The following ELMOD3 variants were observed in gnomAD, a reference collection of about 807,000 sequenced individuals.
The protein encoded by ELMOD3 is ELMO domain-containing protein 3.
Under a neutral mutation model 47.4 loss-of-function variants are expected in ELMOD3, and 36 were observed. The observed-to-expected ratio is 0.76, with a 90% CI of 0.58 to 1.00. The LOEUF (loss-of-function observed/expected upper bound fraction) is 1.00. ELMOD3 is among the 50% of genes least tolerant of loss of function. The pLI is 0.00. For missense variants in ELMOD3, 404 were observed against 463.8 expected (o/e 0.87, Z 1.18); for synonymous variants, 149 against 183.5 (o/e 0.81, Z 1.52).
chr2:85,377,966 A>C (rs1260337195), intron 11 of ELMOD3, among the ~76,000 whole-genome samples: 1 of 152,218 alleles, frequency 6.6e-6, no homozygotes, highest in Non-Finnish European at 1.5e-5. Context: ...TTTTTAAAAG[A>C]AGCAAAGGAA....
Position 85,391,038 on chromosome 2 carries a change from T to A in ELMOD3, c.*76T>A. The A allele has an allele frequency of 7.1e-7, 1 of 1,414,912 alleles. No individual in the cohort carries two copies. The allele number at this position is 1,414,912 out of a possible 1,614,324, so 87.6% of individuals were successfully genotyped here. A position where few individuals can be genotyped will look rare whatever the true frequency, so the allele number is the denominator to read the frequency against. ...GGTCAGTGGAGCCATGTCAGGAGCC[T>A]GGCCAGGCCGCACCCCTTGCTGTCT... On this transcript the variant is annotated 3_prime_UTR_variant, in exon 14 of 14. Coordinates refer to ENST00000409013, the MANE Select transcript of ELMOD3 (RefSeq NM_001135022.2).
At chr2:85,382,417 A>C (rs1415501549) in intron 11 of ELMOD3, among the ~76,000 whole-genome samples, 1 of 151,154 alleles carries the variant, frequency 6.6e-6, no homozygotes, top group Non-Finnish European at 1.5e-5. Flanking sequence ...CAGCCTGGGC[A>C]ACAGAGCGAG....
In ELMOD3 at chr2:85,390,548, T is replaced by C. The variant is rs56668127; in HGVS notation, c.944-212T>C. ...ATAGTTGGACTATTCAAAGTTGCAA[T>C]TGTGCAGACAAGGTAGAGTGTGTGG... On this transcript the variant is annotated intron_variant, in intron 13 of 13. Coordinates refer to ENST00000409013, the MANE Select transcript of ELMOD3 (RefSeq NM_001135022.2). The C allele has an allele frequency of 3.4e-3, 5,384 of 1,571,144 alleles. 158 individuals carry two copies. In the African/African-American group the frequency reaches 0.062, roughly 18 times the overall value.
intron 11 of ELMOD3, among the ~76,000 whole-genome samples, chr2:85,382,870 A>G (rs1685669512): frequency 6.6e-6 from 1 of 151,954 alleles, no homozygotes; most frequent in Admixed American, 6.5e-5. Flanking sequence ...CTTAATTTAA[A>G]AACAAGACAA....
chr2:85,367,920 T>TC (rs1684509049), intron 6 of ELMOD3, among the ~76,000 whole-genome samples: 2 of 151,648 alleles, frequency 1.3e-5, no homozygotes, highest in Admixed American at 1.3e-4. Flanking sequence ...TCTTTTCTTT[T>TC]TTTTTTTTTT....
intron 6 of ELMOD3, among the ~76,000 whole-genome samples, chr2:85,366,713 C>G (rs1020653972): frequency 3.9e-5 from 6 of 152,234 alleles, no homozygotes; most frequent in African/African-American, 1.4e-4. Context: ...TAACTATCCT[C>G]TACTGCTTCC....
chr2:85,389,714 C>A (rs560771569), intron 11 of ELMOD3, 37 bp from the exon 12 acceptor site: 1 of 1,581,926 alleles, frequency 6.3e-7, no homozygotes, highest in South Asian at 1.1e-5. Flanking sequence ...ACAGTGAGAG[C>A]TGGAGTTGCT....
chr2:85,369,916 G>C, intron 8 of ELMOD3, 86 bp downstream of exon 8: 1 of 1,514,092 alleles, frequency 6.6e-7, no homozygotes, highest in East Asian at 2.3e-5. Flanking sequence ...CAGGGCATTG[G>C]GCAAGCAAAT....
chr2:85,364,946 C>T (rs1684271800), intron 6 of ELMOD3, among the ~76,000 whole-genome samples: 1 of 146,600 alleles, frequency 6.8e-6, no homozygotes, highest in Non-Finnish European at 1.5e-5. Context: ...CCAGCTGGGA[C>T]TACAGGTGTG....
chr2:85,383,031 A>C (rs77736730), intron 11 of ELMOD3, among the ~76,000 whole-genome samples: 7,066 of 151,076 alleles, frequency 0.047, 253 homozygotes, highest in Non-Finnish European at 0.071. Context: ...TTGTCATGGA[A>C]ACAGGAAATC....
chr2:85,370,583 GA>G (rs1202487710), intron 8 of ELMOD3, among the ~76,000 whole-genome samples: 1 of 152,150 alleles, frequency 6.6e-6, no homozygotes, highest in Non-Finnish European at 1.5e-5. Context: ...GAAAGCTACC[GA>G]AATCAGAATA....
intron 7 of ELMOD3, 33 bp downstream of exon 7, chr2:85,368,787 C>A (rs746693011): frequency 1.9e-6 from 3 of 1,611,332 alleles, no homozygotes; most frequent in Non-Finnish European, 2.5e-6. Flanking sequence ...CTCCCCATAG[C>A]CCCTCTGCCA....
At chr2:85,386,381 C>CTTTT (rs570387148) in intron 11 of ELMOD3, among the ~76,000 whole-genome samples, 5 of 62,442 alleles carry the variant, frequency 8.0e-5, no homozygotes, top group Non-Finnish European at 1.1e-4. Flanking sequence ...GATACGTAGG[C>CTTTT]TTTTTTTTTT....
At chr2:85,361,706 G>A (rs539499657) in intron 4 of ELMOD3, among the ~76,000 whole-genome samples, 5 of 152,208 alleles carry the variant, frequency 3.3e-5, no homozygotes, top group African/African-American at 1.2e-4. Context: ...GAGGCGGGTG[G>A]ATCATGAGGT....
chr2:85,364,138 CTTTTTTT>C (rs869156957), intron 6 of ELMOD3, among the ~76,000 whole-genome samples: 2 of 118,752 alleles, frequency 1.7e-5, no homozygotes, highest in Admixed American at 7.9e-5. Flanking sequence ...AAAAAATACT[CTTTTTTT>C]TTTTTTTTTG....
chr2:85,367,997 C>T (rs1233365462), intron 6 of ELMOD3, among the ~76,000 whole-genome samples: 4 of 151,996 alleles, frequency 2.6e-5, no homozygotes, highest in African/African-American at 4.8e-5. Flanking sequence ...ACTGCAACTC[C>T]GCCTCCCGCG....
chr2:85,370,584 A>C (rs1462398836), intron 8 of ELMOD3, among the ~76,000 whole-genome samples: 1 of 152,218 alleles, frequency 6.6e-6, no homozygotes, highest in African/African-American at 2.4e-5. Flanking sequence ...AAAGCTACCG[A>C]AATCAGAATA....
chr2:85,363,068 C>T, intron 5 of ELMOD3, 29 bp from the exon 6 acceptor site: 1 of 1,486,650 alleles, frequency 6.7e-7, no homozygotes, highest in Non-Finnish European at 9.4e-7. Flanking sequence ...GGATTCTATC[C>T]TCAAGCTAAA....
At chr2:85,379,310 G>A (rs1685390772) in intron 11 of ELMOD3, among the ~76,000 whole-genome samples, 1 of 152,196 alleles carries the variant, frequency 6.6e-6, no homozygotes, top group Admixed American at 6.5e-5. Flanking sequence ...AGGTTCAAGT[G>A]ATTCTCCTGC....
Sources: allele counts gnomAD v4.1 joint callset (sites outside exome capture counted in the v4.1 genomes callset), GRCh38; gene constraint gnomAD v4.1.1; transcripts MANE v1.5; gene names NCBI Gene and HGNC (gene_info 2026-07-23, HGNC 2026-07-21).